The following NPHP1 variants were observed in gnomAD, a reference collection of about 807,000 sequenced individuals.
NPHP1 encodes the protein nephrocystin-1.
In NPHP1, 70 loss-of-function variants were observed where a neutral mutation model predicts 90.4. The ratio of observed to expected loss-of-function variants is 0.77; its 90% CI spans 0.64 to 0.95. The LOEUF (loss-of-function observed/expected upper bound fraction) is 0.95. Among genes scored for constraint, NPHP1 ranks in the 40% least tolerant of loss-of-function variants. The pLI is 0.00. For synonymous variants in NPHP1, 256 were observed against 271.7 expected (o/e 0.94, Z 0.57); for missense variants, 764 against 795.9 (o/e 0.96, Z 0.48).
intron 14 of NPHP1, among the ~76,000 whole-genome samples, chr2:110,146,414 C>G (rs1013611253): frequency 6.6e-6 from 1 of 152,126 alleles, no homozygotes; most frequent in African/African-American, 2.4e-5. Context: ...CCTCTGGACT[C>G]TGGACTTAAC....
intron 19 of NPHP1, 87 bp from the exon 20 acceptor site, chr2:110,124,150 G>C: frequency 6.7e-7 from 1 of 1,496,688 alleles, no homozygotes; most frequent in Non-Finnish European, 9.3e-7. Flanking sequence ...CCACCTAAGA[G>C]GTAGGATGGA....
chr2:110,184,856 C>T (rs1446127249), intron 2 of NPHP1: 2 of 701,458 alleles, frequency 2.9e-6, no homozygotes, highest in East Asian at 3.1e-5. Flanking sequence ...GGCCCCTGAG[C>T]TGCTCTTCAG....
intron 2 of NPHP1, among the ~76,000 whole-genome samples, chr2:110,198,468 A>G (rs12469947): frequency 0.49 from 73,990 of 152,072 alleles, 21,126 homozygotes; most frequent in Non-Finnish European, 0.62. Flanking sequence ...GATTAATGAT[A>G]CTGATTACGT....
chr2:110,152,251 C>T (rs1018969639), intron 11 of NPHP1, among the ~76,000 whole-genome samples: 4 of 151,588 alleles, frequency 2.6e-5, no homozygotes, highest in African/African-American at 7.3e-5. Context: ...CTCAGGAGTT[C>T]GGGACCAGCT....
chr2:110,203,780 A>G (rs532111446), intron 1 of NPHP1, among the ~76,000 whole-genome samples: 1 of 152,190 alleles, frequency 6.6e-6, no homozygotes, highest in Admixed American at 6.5e-5. Flanking sequence ...TATTTTTAAT[A>G]AGAACTCAGT....
At chr2:110,135,856 T>G (rs967874690) in intron 16 of NPHP1, among the ~76,000 whole-genome samples, 8 of 152,184 alleles carry the variant, frequency 5.3e-5, no homozygotes, top group Non-Finnish European at 1.2e-4. Flanking sequence ...AGAGGTAATA[T>G]TCAGGCTTCC....
rs748734079 is a variant in NPHP1 at position 110,201,424 on chromosome 2, T to C, written c.140A>G (p.Gln47Arg). 2 of 1,599,264 alleles carry C rather than the reference T, an allele frequency of 1.3e-6. No individual in the cohort carries two copies. The highest frequency in any genetic ancestry group is 2.2e-5 in the East Asian group (1 of 44,764). The change falls in exon 2 of 20, where the codon CAA (glutamine) becomes CGA (arginine). Residue 47 changes from glutamine (Q) to arginine (R), a missense_variant. Gln to Arg is a conservative substitution (Grantham distance 43). Transcript: ENST00000445609. ...TATATAATTTAGCATACTTTACCTT[T>C]GATAAATATGTTGTCTTTTATTGGG... ...LEPNKRQHIY[Q>R]RCIQLKQAID...
At chr2:110,137,465 G>A (rs4953841) in intron 16 of NPHP1, among the ~76,000 whole-genome samples, 58,898 of 151,712 alleles carry the variant, frequency 0.39, 12,234 homozygotes, top group East Asian at 0.58. Flanking sequence ...AGTGAACTCA[G>A]ACAAATTTAC....
At chr2:110,148,923 C>G (rs959870069) in intron 12 of NPHP1, among the ~76,000 whole-genome samples, 1 of 152,190 alleles carries the variant, frequency 6.6e-6, no homozygotes, top group African/African-American at 2.4e-5. Flanking sequence ...CCTTCAAGAT[C>G]TAGTTTCTCT....
At chr2:110,170,146 C>T in intron 4 of NPHP1, 148 bp from the exon 5 acceptor site, 4 of 1,126,394 alleles carry the variant, frequency 3.6e-6, no homozygotes, top group Non-Finnish European at 3.9e-6. Flanking sequence ...ACAGTTTCTA[C>T]CATCTAGCTA....
Position 110,168,439 on chromosome 2 carries a change from A to G in NPHP1, c.624+13T>C. ...AAAAGTCTTAGAAAAGGAAGGCATA[A>G]ACCAAGACTAACCTCTAGGTAGGTT... On this transcript the variant is annotated intron_variant, in intron 6 of 19. Coordinates refer to ENST00000445609, the MANE Select transcript of NPHP1 (RefSeq NM_001128178.3). 1 of 1,561,756 alleles carries G rather than the reference A, an allele frequency of 6.4e-7. No homozygotes were observed. Among genetic ancestry groups the G allele is most frequent in the Non-Finnish European group, 8.8e-7 (1 of 1,132,506 alleles).
chr2:110,128,825 T>G lies in NPHP1; in HGVS notation c.1716+361A>C, dbSNP rs1679556606. 3 of 290,728 alleles carry G rather than the reference T, an allele frequency of 1.0e-5. No homozygotes were observed. In the South Asian group the frequency reaches 1.4e-4, roughly 14 times the overall value. The allele number at this position is 290,728 out of a possible 1,614,324, so 18.0% of individuals were successfully genotyped here. A position where few individuals can be genotyped will look rare whatever the true frequency, so the allele number is the denominator to read the frequency against. The stretch of plus-strand genomic sequence containing the variant: ...AGACAGCAAACAGCACACATGGAAT[T>G]AAAGATGATGTGCATGCCCTGATTC... On this transcript the variant is annotated intron_variant, in intron 18 of 19. Transcript: ENST00000445609.
intron 16 of NPHP1, among the ~76,000 whole-genome samples, chr2:110,142,434 T>G (rs1680714185): frequency 6.6e-6 from 1 of 151,666 alleles, no homozygotes; most frequent in African/African-American, 2.4e-5. Context: ...CTCAACCTCT[T>G]GGGCTCAAGC....
chr2:110,186,971 T>G (rs1454350632), intron 2 of NPHP1, among the ~76,000 whole-genome samples: 2 of 152,060 alleles, frequency 1.3e-5, no homozygotes, highest in Non-Finnish European at 2.9e-5. Context: ...TCTTTGAAAC[T>G]AATGAGAACA....
intron 9 of NPHP1, among the ~76,000 whole-genome samples, chr2:110,162,845 G>A (rs958896581): frequency 3.3e-5 from 5 of 152,148 alleles, no homozygotes; most frequent in Admixed American, 1.3e-4. Context: ...GCTGGAACCC[G>A]GAGCACTGGT....
Position 110,163,014 on chromosome 2 carries a change from T to G in NPHP1, c.859+34A>C, listed in dbSNP as rs79943015. The G allele has an allele frequency of 2.8e-3, 4,075 of 1,461,348 alleles. 102 individuals carry two copies. In the African/African-American group the frequency reaches 0.048, roughly 17 times the overall value. 90.5% of individuals were successfully genotyped at this position (1,461,348 alleles called of 1,614,324 possible). ...TAGACGTGGATCTTGACTGCTTTGC[T>G]GAAAGAGTGCAGTGGCTGATAGGCA... On this transcript the variant is annotated intron_variant, in intron 9 of 19. Transcript: ENST00000445609.
chr2:110,129,781 T>A (rs1000464764), intron 17 of NPHP1, among the ~76,000 whole-genome samples: 10 of 152,154 alleles, frequency 6.6e-5, no homozygotes, highest in Non-Finnish European at 1.2e-4. Flanking sequence ...AATTGAGGAT[T>A]CTGGCCATAT....
chr2:110,179,785 G>T, intron 2 of NPHP1, 101 bp from the exon 3 acceptor site: 1 of 611,038 alleles, frequency 1.6e-6, no homozygotes, highest in Non-Finnish European at 2.9e-6. Context: ...AAGGCAATTA[G>T]CCACTGTATG....
In NPHP1 at chr2:110,192,618, C is replaced by T. The variant is rs570205631; in HGVS notation, c.143+8803G>A. Among the ~76,000 whole-genome samples the T allele has an allele frequency of 8.5e-5, 13 of 152,208 alleles. No individual in the cohort carries two copies. In the South Asian group the frequency reaches 2.1e-3, roughly 24 times the overall value. On this transcript the variant is annotated intron_variant, in intron 2 of 19. Transcript: ENST00000445609. ...ATCCAGGAGAACTTCCCCAATCTAG[C>T]AAGGCAGGCCAACATTCAAATTCAG... is the stretch of plus-strand genomic sequence containing the variant.
Sources: gnomAD v4.1 joint callset for allele counts (sites outside exome capture counted in the v4.1 genomes callset) on GRCh38, gnomAD v4.1.1 for gene constraint, MANE v1.5 for transcripts, NCBI Gene and HGNC (gene_info 2026-07-23, HGNC 2026-07-21) for gene names.